Variants in CRB1 observed in about 807,000 individuals in gnomAD.
CRB1 encodes the protein protein crumbs homolog 1.
CRB1 carries 83 observed loss-of-function variants against 120.0 expected under a neutral mutation model. The ratio of observed to expected loss-of-function variants is 0.69; its 90% CI spans 0.58 to 0.83. The LOEUF (loss-of-function observed/expected upper bound fraction) is 0.83, where lower values mean the gene tolerates loss of function less well. CRB1 is among the 40% of genes least tolerant of loss of function. CRB1 has a pLI of 0.00. For synonymous variants in CRB1, 625 were observed against 612.5 expected, an observed-to-expected ratio of 1.02 and a Z score of -0.30; for missense variants, 1,699 against 1,687.6, an observed-to-expected ratio of 1.01 and a Z score of -0.12.
chr1:197,405,187 T>G (rs1008399902), intron 5 of CRB1, among the ~76,000 whole-genome samples: 1 of 152,212 alleles, frequency 6.6e-6, no homozygotes, highest in East Asian at 1.9e-4. Flanking sequence ...CTGATTCTCC[T>G]GCCTTAGCCT....
At chr1:197,405,755 G>T (rs546838008) in intron 5 of CRB1, among the ~76,000 whole-genome samples, 1 of 151,380 alleles carries the variant, frequency 6.6e-6, no homozygotes, top group Non-Finnish European at 1.5e-5. Context: ...GAGACCCTCC[G>T]CCTGGCAACC....
At chr1:197,365,800 G>A (rs889312953) in intron 5 of CRB1, among the ~76,000 whole-genome samples, 1 of 151,906 alleles carries the variant, frequency 6.6e-6, no homozygotes, top group African/African-American at 2.4e-5. Flanking sequence ...CCAGGACGGA[G>A]GCACCTCCTT....
chr1:197,475,155 A>G (rs556426363), intron 11 of CRB1, among the ~76,000 whole-genome samples: 12 of 152,330 alleles, frequency 7.9e-5, no homozygotes, highest in African/African-American at 2.6e-4. Context: ...TCACAGTAAT[A>G]TGAAGGAGAG....
intron 5 of CRB1, among the ~76,000 whole-genome samples, chr1:197,406,314 C>T (rs1663391580): frequency 6.6e-6 from 1 of 152,126 alleles, no homozygotes; most frequent in Non-Finnish European, 1.5e-5. Flanking sequence ...GCTGTGTCCA[C>T]TCAGGGTTAA....
At chr1:197,339,421 C>T (rs745537760) in intron 2 of CRB1, among the ~76,000 whole-genome samples, 2 of 152,002 alleles carry the variant, frequency 1.3e-5, no homozygotes, top group Non-Finnish European at 2.9e-5. Context: ...TAAAAAGCCC[C>T]AAAATAGCAT....
At chr1:197,232,885 C>A in the CRB1 span, among the ~76,000 whole-genome samples, 2 of 152,004 alleles carry the variant, frequency 1.3e-5, no homozygotes, top group South Asian at 4.2e-4. Context: ...CATCACAGCC[C>A]CTCTATTAGA....
intron 4 of CRB1, among the ~76,000 whole-genome samples, chr1:197,348,301 C>T (rs1571879680): frequency 6.6e-6 from 1 of 152,214 alleles, no homozygotes; most frequent in East Asian, 1.9e-4. Flanking sequence ...GTTATTGTTG[C>T]TGAAGACATT....
At chr1:197,442,576 T>A in intron 11 of CRB1, 1 of 1,395,394 alleles carries the variant, frequency 7.2e-7, no homozygotes, top group Non-Finnish European at 9.4e-7. Context: ...AAGCACTTTG[T>A]CTGTGTATAA....
intron 5 of CRB1, among the ~76,000 whole-genome samples, chr1:197,368,014 T>G (rs1661169329): frequency 6.6e-6 from 1 of 152,144 alleles, no homozygotes; most frequent in South Asian, 2.1e-4. Flanking sequence ...TCCTTAAAAG[T>G]CAAATCCTGT....
At chr1:197,414,840 A>G (rs551508093) in intron 5 of CRB1, among the ~76,000 whole-genome samples, 2 of 152,312 alleles carry the variant, frequency 1.3e-5, no homozygotes, top group East Asian at 1.9e-4. Flanking sequence ...GGGTTCATCA[A>G]ATAAATATGT....
intron 11 of CRB1, among the ~76,000 whole-genome samples, chr1:197,464,170 G>A (rs566301152): frequency 9.9e-4 from 151 of 152,258 alleles, no homozygotes; most frequent in Middle Eastern, 3.4e-3. Flanking sequence ...CTAAATCACA[G>A]CAGATGGCTT....
intron 7 of CRB1, among the ~76,000 whole-genome samples, chr1:197,428,819 G>A (rs1024956121): frequency 6.6e-6 from 1 of 152,172 alleles, no homozygotes; most frequent in Non-Finnish European, 1.5e-5. Flanking sequence ...AGTTTAGAAA[G>A]GTTATGTAAC....
the CRB1 span, among the ~76,000 whole-genome samples, chr1:197,237,184 A>G: frequency 6.6e-6 from 1 of 152,170 alleles, no homozygotes; most frequent in Admixed American, 6.5e-5. Flanking sequence ...TATTAATTAT[A>G]TTGATTACTA....
intron 5 of CRB1, among the ~76,000 whole-genome samples, chr1:197,375,939 T>C (rs563787998): frequency 6.6e-6 from 1 of 152,322 alleles, no homozygotes; most frequent in South Asian, 2.1e-4. Flanking sequence ...AGGCAGTTTT[T>C]GTTACTTCGG....
chr1:197,299,538 G>A (rs554159764), intron 1 of CRB1, among the ~76,000 whole-genome samples: 2 of 149,702 alleles, frequency 1.3e-5, no homozygotes, highest in South Asian at 2.1e-4. Context: ...ATGTGTATGT[G>A]CAATCGTGTA....
At chr1:197,403,696 G>A (rs922208770) in intron 5 of CRB1, among the ~76,000 whole-genome samples, 1 of 151,796 alleles carries the variant, frequency 6.6e-6, no homozygotes, top group Admixed American at 6.6e-5. Flanking sequence ...CTTCATTTAG[G>A]TTCTCTATTG....
chr1:197,414,207 T>A (rs1663854790), intron 5 of CRB1, among the ~76,000 whole-genome samples: 1 of 152,166 alleles, frequency 6.6e-6, no homozygotes, highest in African/African-American at 2.4e-5. Context: ...TTAAAATTTT[T>A]AAAATCCTAA....
chr1:197,438,804 C>G, intron 10 of CRB1, 129 bp downstream of exon 10: 1 of 1,193,628 alleles, frequency 8.4e-7, no homozygotes, highest in Non-Finnish European at 1.2e-6. Context: ...AATAGAGGTT[C>G]AGACAGAATG....
At position 197,344,431 on chromosome 1, in the gene CRB1, G is replaced by T; in HGVS notation, c.803G>T (p.Ser268Ile). The change falls in exon 3 of 12, where the codon AGT becomes ATT. Residue 268 changes from serine to isoleucine, a missense_variant. Physicochemically the swap from Ser to Ile is moderately radical, Grantham distance 142. Transcript: ENST00000367400. The stretch of plus-strand genomic sequence containing the variant: ...GAACTCAACACTGATGAGTGTGCCA[G>T]TCAACCTTGTCTCCATGGAGGGCTG... ...HCELNTDECA[S>I]QPCLHGGLCV... The T allele has an allele frequency of 4.3e-6, 7 of 1,614,098 alleles. No homozygotes were observed. Among genetic ancestry groups the T allele is most frequent in the Non-Finnish European group, 5.9e-6 (7 of 1,179,998 alleles).
Sources: allele counts gnomAD v4.1 joint callset (sites outside exome capture counted in the v4.1 genomes callset), GRCh38; gene constraint gnomAD v4.1.1; transcripts MANE v1.5; gene names NCBI Gene and HGNC (gene_info 2026-07-23, HGNC 2026-07-21).